The following EPHA7 variants were observed in gnomAD, a reference collection of about 807,000 sequenced individuals.
EPHA7 encodes EPH receptor A7.
In EPHA7, 25 loss-of-function variants were observed where a neutral mutation model predicts 112.6. The observed-to-expected ratio is 0.22, with a 90% confidence interval of 0.16 to 0.31. The LOEUF is 0.31. EPHA7 is among the 10% of genes least tolerant of loss of function. EPHA7 has a pLI of 1.00. For missense variants in EPHA7, 962 were observed against 1,212.6 expected, an observed-to-expected ratio of 0.79 and a Z score of 3.07; for synonymous variants, 437 against 406.5, an observed-to-expected ratio of 1.07 and a Z score of -0.90.
At chr6:93,347,726 G>C (rs1209764372) in intron 5 of EPHA7, among the ~76,000 whole-genome samples, 2 of 151,854 alleles carry the variant, frequency 1.3e-5, no homozygotes, top group East Asian at 3.9e-4. Context: ...TTCTGGCTTG[G>C]GGATGGCCAT....
intron 5 of EPHA7, among the ~76,000 whole-genome samples, chr6:93,312,478 A>G (rs1047358450): frequency 4.6e-5 from 7 of 151,948 alleles, no homozygotes; most frequent in African/African-American, 1.2e-4. Flanking sequence ...CATCTCTCTT[A>G]GCCCTCATTA....
intron 5 of EPHA7, among the ~76,000 whole-genome samples, chr6:93,320,948 G>A (rs1268813082): frequency 6.6e-6 from 1 of 151,832 alleles, no homozygotes; most frequent in Non-Finnish European, 1.5e-5. Flanking sequence ...TAGTTAGCAA[G>A]ATAGTTTGTG....
At chr6:93,352,291 T>C (rs1167214667) in intron 5 of EPHA7, among the ~76,000 whole-genome samples, 2 of 152,154 alleles carry the variant, frequency 1.3e-5, no homozygotes, top group African/African-American at 4.8e-5. Flanking sequence ...TTGAGTGATC[T>C]GTTTTTATTA....
chr6:93,283,558 A>G (rs1323505204), intron 5 of EPHA7, among the ~76,000 whole-genome samples: 7 of 151,994 alleles, frequency 4.6e-5, no homozygotes, highest in African/African-American at 7.3e-5. Context: ...AAGACCACGA[A>G]CCCACCAGAA....
intron 6 of EPHA7, 38 bp from the exon 7 acceptor site, chr6:93,269,698 T>C: frequency 6.9e-7 from 1 of 1,439,278 alleles, no homozygotes; most frequent in African/African-American, 1.5e-5. Flanking sequence ...TAATTGTGAT[T>C]GCAACCAGAC....
chr6:93,387,885 G>T (rs1777693883), intron 3 of EPHA7, among the ~76,000 whole-genome samples: 1 of 150,902 alleles, frequency 6.6e-6, no homozygotes, highest in Admixed American at 6.6e-5. Flanking sequence ...GATGAGATTT[G>T]GTGTAGGACA....
At chr6:93,381,250 AC>A in intron 3 of EPHA7, among the ~76,000 whole-genome samples, 1 of 152,286 alleles carries the variant, frequency 6.6e-6, no homozygotes, top group African/African-American at 2.4e-5. Context: ...ATAAGTTCTC[AC>A]CTGAAAGGAA....
intron 5 of EPHA7, among the ~76,000 whole-genome samples, chr6:93,295,261 T>G (rs1433384843): frequency 2.0e-5 from 3 of 152,032 alleles, no homozygotes; most frequent in Non-Finnish European, 2.9e-5. Flanking sequence ...TTATGAAATT[T>G]TCCATTTTTT....
At chr6:93,276,019 T>C (rs1287693149) in intron 5 of EPHA7, among the ~76,000 whole-genome samples, 2 of 151,936 alleles carry the variant, frequency 1.3e-5, no homozygotes, top group African/African-American at 4.8e-5. Context: ...TTTCTTAGCA[T>C]GAAGTAGGGA....
intron 5 of EPHA7, among the ~76,000 whole-genome samples, chr6:93,321,981 T>C (rs1040001764): frequency 6.6e-6 from 1 of 151,858 alleles, no homozygotes; most frequent in African/African-American, 2.4e-5. Flanking sequence ...TTCATATTTA[T>C]AATGAGGACA....
At chr6:93,250,608 G>GA (rs1404185762) in intron 14 of EPHA7, among the ~76,000 whole-genome samples, 2 of 152,046 alleles carry the variant, frequency 1.3e-5, no homozygotes, top group South Asian at 2.1e-4. Flanking sequence ...TTTTTCCAAT[G>GA]AAAAAATAGG....
chr6:93,382,002 C>G (rs1777358977), intron 3 of EPHA7, among the ~76,000 whole-genome samples: 1 of 152,146 alleles, frequency 6.6e-6, no homozygotes, highest in Non-Finnish European at 1.5e-5. Flanking sequence ...CCAAATACCA[C>G]TAAGAATTAC....
At chr6:93,245,574 T>TA (rs542986426) in intron 15 of EPHA7, 121 bp from the exon 16 acceptor site, 7 of 931,364 alleles carry the variant, frequency 7.5e-6, no homozygotes, top group Non-Finnish European at 3.1e-6. Context: ...GTGTACATAA[T>TA]AAAAAATACA....
rs1279676999 is a variant in EPHA7 at position 93,242,142 on chromosome 6, G to A, written c.*1284C>T. ...TTCTAACACAGTAATCAAATAATAT[G>A]GTTTAATAAATAAAGCTTTAAAAAC... On this transcript the variant is annotated 3_prime_UTR_variant, in exon 17 of 17. Coordinates refer to ENST00000369303, the MANE Select transcript of EPHA7 (RefSeq NM_004440.4). 1 of 195,132 alleles carries A rather than the reference G, an allele frequency of 5.1e-6. No homozygotes were observed. The highest frequency in any genetic ancestry group is 8.0e-5 in the East Asian group (1 of 12,452). 12.1% of individuals were successfully genotyped at this position (195,132 alleles called of 1,614,324 possible). A position where few individuals can be genotyped will look rare whatever the true frequency, so the allele number is the denominator to read the frequency against.
At position 93,284,070 on chromosome 6, in the gene EPHA7, C is replaced by A. The variant is rs781731317; in HGVS notation, c.1325-11648G>T. Among the ~76,000 whole-genome samples the A allele has an allele frequency of 1.8e-4, 27 of 152,250 alleles. 1 individual carries two copies. The highest frequency in any genetic ancestry group is 4.4e-5 in the Non-Finnish European group (3 of 68,018). On this transcript the variant is annotated intron_variant, in intron 5 of 16. Transcript: ENST00000369303. The stretch of plus-strand genomic sequence containing the variant: ...ATTATACCATTAATTTACTCCATCC[C>A]AAAGTTCTCAATAATGGTTGAAGAG...
chr6:93,329,509 G>A (rs1306031291), intron 5 of EPHA7, among the ~76,000 whole-genome samples: 1 of 151,306 alleles, frequency 6.6e-6, no homozygotes, highest in Non-Finnish European at 1.5e-5. Context: ...TAAAGAACAT[G>A]AGTGCTATGC....
intron 5 of EPHA7, among the ~76,000 whole-genome samples, chr6:93,291,038 C>T (rs889892005): frequency 3.3e-5 from 5 of 152,088 alleles, no homozygotes; most frequent in Admixed American, 1.3e-4. Context: ...AATCACTGAC[C>T]AAGAAATCCG....
intron 3 of EPHA7, among the ~76,000 whole-genome samples, chr6:93,384,594 T>C (rs1447186990): frequency 2.0e-5 from 3 of 152,186 alleles, no homozygotes; most frequent in Admixed American, 2.0e-4. Flanking sequence ...TGCGATTTCA[T>C]ATGTCACCCA....
rs147687975 is a variant in EPHA7 at position 93,249,389 on chromosome 6, T to A, written c.2533-2404A>T. 5.4e-3 allele frequency among the ~76,000 whole-genome samples: 829 copies of A among 152,286 alleles called. 4 individuals are homozygous for A. The highest frequency in any genetic ancestry group is 0.011 in the Admixed American group (169 of 15,296). On this transcript the variant is annotated intron_variant, in intron 14 of 16. Transcript: ENST00000369303. The stretch of plus-strand genomic sequence containing the variant: ...AAAATGTTATGTTAAAAAATGTGAA[T>A]AAAAGTAAAAGTAATTTACTTTTAG...
Sources: gnomAD v4.1 joint callset for allele counts (sites outside exome capture counted in the v4.1 genomes callset) on GRCh38, gnomAD v4.1.1 for gene constraint, MANE v1.5 for transcripts, NCBI Gene and HGNC (gene_info 2026-07-23, HGNC 2026-07-21) for gene names.